Variants in DCAF17 observed in about 807,000 individuals in gnomAD.
DCAF17 encodes the protein DDB1 and CUL4 associated factor 17.
Under a neutral mutation model 66.0 loss-of-function variants are expected in DCAF17, and 48 were observed. The observed-to-expected ratio is 0.73, with a 90% CI of 0.58 to 0.92. The LOEUF is 0.92. DCAF17 is among the 40% of genes least tolerant of loss of function. DCAF17 has a pLI of 0.00. For synonymous variants in DCAF17, 206 were observed against 214.6 expected (o/e 0.96, Z 0.35); for missense variants, 562 against 622.8 (o/e 0.90, Z 1.04).
chr2:171,446,713 A>T (rs911592496), intron 3 of DCAF17, among the ~76,000 whole-genome samples: 2 of 152,196 alleles, frequency 1.3e-5, no homozygotes, highest in Admixed American at 6.5e-5. Flanking sequence ...GGAGACTGCT[A>T]AGTTGAGAAT....
intron 4 of DCAF17, among the ~76,000 whole-genome samples, 172 bp from the exon 5 acceptor site, chr2:171,449,707 C>T (rs1351146746): frequency 6.6e-6 from 1 of 151,918 alleles, no homozygotes; most frequent in Non-Finnish European, 1.5e-5. Context: ...AGGGATATGT[C>T]CATATGGGGA....
chr2:171,470,798 C>T (rs1001626596), intron 9 of DCAF17, among the ~76,000 whole-genome samples: 2 of 152,090 alleles, frequency 1.3e-5, no homozygotes, highest in African/African-American at 4.8e-5. Context: ...TTATTTCATA[C>T]ACAAACACAC....
At position 171,481,460 on chromosome 2, in the gene DCAF17, A is replaced by G. The variant is rs1230584447; in HGVS notation, c.*346A>G. On this transcript the variant is annotated 3_prime_UTR_variant, in exon 14 of 14. Coordinates refer to ENST00000375255, the MANE Select transcript of DCAF17 (RefSeq NM_025000.4). Reference sequence around the variant, plus strand: ...TGGGGTGGGTCATTGATGAGTTCTTAAAGGATGGTATGGAATTTTGTTTGT... The same window carrying G: ...TGGGGTGGGTCATTGATGAGTTCTTGAAGGATGGTATGGAATTTTGTTTGT... 4.3e-6 allele frequency: 2 copies of G among 461,982 alleles called. No homozygotes were observed. The highest frequency in any genetic ancestry group is 4.7e-5 in the Admixed American group (2 of 42,720). The allele number at this position is 461,982 out of a possible 1,614,324, so 28.6% of individuals were successfully genotyped here. A position where few individuals can be genotyped will look rare whatever the true frequency, so the allele number is the denominator to read the frequency against.
At chr2:171,438,717 T>G (rs1406604542) in intron 2 of DCAF17, among the ~76,000 whole-genome samples, 2 of 152,122 alleles carry the variant, frequency 1.3e-5, no homozygotes, top group Middle Eastern at 3.2e-3. Context: ...GCCATTCCTT[T>G]ACTTTTAATC....
intron 1 of DCAF17, 152 bp from the exon 2 acceptor site, chr2:171,434,931 C>A: frequency 2.9e-6 from 3 of 1,033,032 alleles, no homozygotes; most frequent in Non-Finnish European, 4.2e-6. Flanking sequence ...AAAAGTTGGT[C>A]ACCTCATTAA....
In DCAF17 at chr2:171,478,020, C is replaced by T. The variant is rs751732245; in HGVS notation, c.1216C>T (p.Arg406Trp). The T allele has an allele frequency of 2.4e-5, 38 of 1,613,672 alleles. No individual in the cohort carries two copies. Among genetic ancestry groups the T allele is most frequent in the Non-Finnish European group, 3.0e-5 (35 of 1,179,846 alleles). Residue 406 changes from arginine to tryptophan, a missense_variant, in exon 12 of 14, where the codon CGG becomes TGG. By Grantham distance (101) the Arg-to-Trp change is moderately radical. Coordinates refer to ENST00000375255, the MANE Select transcript of DCAF17 (RefSeq NM_025000.4). ...ENVLTVTASGRVVKKSFNLLD... is the reference protein window; with the variant it reads ...ENVLTVTASGWVVKKSFNLLD... ...TGTACTCACTGTTACAGCTTCTGGA[C>T]GGGTGGTAAAAAAAAGTTTTAACCT... is the stretch of plus-strand genomic sequence containing the variant.
At chr2:171,439,116 G>A (rs1027392242) in intron 2 of DCAF17, among the ~76,000 whole-genome samples, 19 of 151,752 alleles carry the variant, frequency 1.3e-4, no homozygotes, top group Non-Finnish European at 2.4e-4. Context: ...TAGTTAAGGT[G>A]CTTTTTTTTC....
At chr2:171,461,876 T>C (rs1034834146) in intron 8 of DCAF17, among the ~76,000 whole-genome samples, 15 of 152,216 alleles carry the variant, frequency 9.9e-5, no homozygotes, top group African/African-American at 3.6e-4. Context: ...ATTAAATTTA[T>C]ATTTTCTGGA....
chr2:171,448,820 A>T lies in DCAF17; in HGVS notation c.458+3A>T. 6.2e-7 allele frequency: 1 copy of T among 1,609,752 alleles called. No homozygotes were observed. Among genetic ancestry groups the T allele is most frequent in the Non-Finnish European group, 8.5e-7 (1 of 1,176,596 alleles). ...CTTGCACCTTATTGCAAATTCAGGT[A>T]TTTACTGTGAATTTATTATTCAAGA... On this transcript the variant is annotated splice_donor_region_variant and intron_variant, in intron 4 of 13. Transcript: ENST00000375255.
chr2:171,478,681 AC>A (rs1323549247), intron 12 of DCAF17, among the ~76,000 whole-genome samples: 1 of 152,186 alleles, frequency 6.6e-6, no homozygotes, highest in East Asian at 1.9e-4. Context: ...AGACTATCTA[AC>A]TATATTATTT....
At chr2:171,445,612 GTAT>G (rs1246964131) in intron 3 of DCAF17, among the ~76,000 whole-genome samples, 1 of 152,152 alleles carries the variant, frequency 6.6e-6, no homozygotes, top group Non-Finnish European at 1.5e-5. Flanking sequence ...TATTTCGAAC[GTAT>G]TATATTTGCT....
At chr2:171,437,740 C>T (rs1348498991) in intron 2 of DCAF17, among the ~76,000 whole-genome samples, 4 of 152,158 alleles carry the variant, frequency 2.6e-5, no homozygotes, top group African/African-American at 7.2e-5. Flanking sequence ...TTTTAACGTC[C>T]ATGAGATCGG....
Position 171,480,978 on chromosome 2 carries a change from A to G in DCAF17, c.1427A>G (p.Tyr476Cys). ...TATGATTGTGTTTTGTTACAGACAT[A>G]TAGCCATGAAGTCTACTTTGACAGA... The part of the protein sequence containing the change: ...IPLVESWDVT[Y>C]SHEVYFDRDL... The change falls in exon 14 of 14, where the codon TAT becomes TGT. Residue 476 changes from tyrosine to cysteine, a missense_variant. By Grantham distance (194) the Tyr-to-Cys change is radical (BLOSUM62 -2). Transcript: ENST00000375255. 6.2e-7 allele frequency: 1 copy of G among 1,613,768 alleles called. No homozygotes were observed. The highest frequency in any genetic ancestry group is 1.3e-5 in the African/African-American group (1 of 75,056).
chr2:171,452,182 G>A (rs1033326700), intron 5 of DCAF17, among the ~76,000 whole-genome samples: 2 of 152,112 alleles, frequency 1.3e-5, no homozygotes, highest in Non-Finnish European at 2.9e-5. Flanking sequence ...AGTTATAGCA[G>A]TTTTGATTGG....
At position 171,468,342 on chromosome 2, in the gene DCAF17, C is replaced by T. The variant is rs555075493; in HGVS notation, c.839-546C>T. 3.2e-4 allele frequency among the ~76,000 whole-genome samples: 49 copies of T among 152,208 alleles called. 1 individual carries two copies. Among genetic ancestry groups the T allele is most frequent in the Non-Finnish European group, 3.7e-4 (25 of 68,006 alleles). On this transcript the variant is annotated intron_variant, in intron 8 of 13. Transcript: ENST00000375255. ...AAGCTTTCATTGTGACAGGCCCTTT[C>T]CTAAGTGGTTACATTCATTGGGACT...
intron 10 of DCAF17, among the ~76,000 whole-genome samples, chr2:171,474,616 T>C (rs888943200): frequency 6.6e-6 from 1 of 152,220 alleles, no homozygotes; most frequent in Non-Finnish European, 1.5e-5. Context: ...CATGTATACA[T>C]GAGAACTCCA....
Position 171,483,183 on chromosome 2 carries a change from G to C in DCAF17, c.*2069G>C, listed in dbSNP as rs1418819132. The C allele has an allele frequency of 2.2e-6, 1 of 453,888 alleles. No homozygotes were observed. Among genetic ancestry groups the C allele is most frequent in the African/African-American group, 2.0e-5 (1 of 50,002 alleles). The allele number at this position is 453,888 out of a possible 1,614,324, so 28.1% of individuals were successfully genotyped here. On this transcript the variant is annotated 3_prime_UTR_variant, in exon 14 of 14. Coordinates refer to ENST00000375255, the MANE Select transcript of DCAF17 (RefSeq NM_025000.4). ...GAAGCATGCTTCCCAGCTCGCCAGA[G>C]TGTCACACAGCTGCTCATTCTGCCA... is the stretch of plus-strand genomic sequence containing the variant.
intron 9 of DCAF17, among the ~76,000 whole-genome samples, chr2:171,469,685 T>G (rs1696128919): frequency 6.6e-6 from 1 of 152,198 alleles, no homozygotes; most frequent in South Asian, 2.1e-4. Flanking sequence ...AGTTATACTC[T>G]TAAAGGAAAC....
intron 6 of DCAF17, among the ~76,000 whole-genome samples, chr2:171,453,710 AG>A (rs1006139512): frequency 2.6e-5 from 4 of 152,092 alleles, no homozygotes; most frequent in Non-Finnish European, 2.9e-5. Context: ...GTTACATGGG[AG>A]GAAAGAAGGA....
Sources: gnomAD v4.1 joint callset for allele counts (sites outside exome capture counted in the v4.1 genomes callset) on GRCh38, gnomAD v4.1.1 for gene constraint, MANE v1.5 for transcripts, NCBI Gene and HGNC (gene_info 2026-07-23, HGNC 2026-07-21) for gene names.